The following TAF4 variants were observed in gnomAD, a reference collection of about 807,000 sequenced individuals.
The protein encoded by TAF4 is transcription initiation factor TFIID subunit 4.
In TAF4, 9 loss-of-function variants were observed where a neutral mutation model predicts 90.3. The observed-to-expected ratio is 0.10, with a 90% CI of 0.06 to 0.17. The LOEUF is 0.17. Ranked by LOEUF, TAF4 falls within the 10% of genes least tolerant of loss-of-function variation. The probability of loss-of-function intolerance (pLI) is 1.00; values close to 1 mark genes in which losing one functional copy is unlikely to be tolerated. For synonymous variants in TAF4, 818 were observed against 638.9 expected (o/e 1.28, Z -4.23); for missense variants, 1,351 against 1,370.7 (o/e 0.99, Z 0.23).
In TAF4 at chr20:62,065,864, G is replaced by T. The variant is rs1285262379; in HGVS notation, c.-54C>A. ...CCGCTCGGGCCGAGCGCGCCTGGGCGAGGAGGAGGTTCCGACTGGGGCGGG... is the reference window on the plus strand; with the variant it reads ...CCGCTCGGGCCGAGCGCGCCTGGGCTAGGAGGAGGTTCCGACTGGGGCGGG... On this transcript the variant is annotated 5_prime_UTR_variant, in exon 1 of 15. Coordinates refer to ENST00000252996, the MANE Select transcript of TAF4 (RefSeq NM_003185.4). The T allele has an allele frequency of 5.9e-6, 7 of 1,184,570 alleles. No homozygotes were observed. Among genetic ancestry groups the T allele is most frequent in the Non-Finnish European group, 7.5e-6 (7 of 936,784 alleles). The allele number at this position is 1,184,570 out of a possible 1,614,324, so 73.4% of individuals were successfully genotyped here. A position where few individuals can be genotyped will look rare whatever the true frequency, so the allele number is the denominator to read the frequency against.
At chr20:62,063,732 A>G (rs2056103549) in intron 1 of TAF4, among the ~76,000 whole-genome samples, 2 of 152,206 alleles carry the variant, frequency 1.3e-5, no homozygotes, top group South Asian at 4.1e-4. Context: ...GCACCAACGC[A>G]GCTCTGGAAG....
In TAF4 at chr20:61,976,002, G is replaced by C. The variant is rs1600820323; in HGVS notation, c.*166C>G. On this transcript the variant is annotated 3_prime_UTR_variant, in exon 15 of 15. Coordinates refer to ENST00000252996, the MANE Select transcript of TAF4 (RefSeq NM_003185.4). Reference sequence around the variant, plus strand: ...ATCCACAGGCCTTTGTGTTCTCTCTGTTACAGAAACGTGTTTTCTTTCACA... The same window carrying C: ...ATCCACAGGCCTTTGTGTTCTCTCTCTTACAGAAACGTGTTTTCTTTCACA... The C allele has an allele frequency of 8.5e-6, 6 of 708,178 alleles. No individual in the cohort carries two copies. In the East Asian group the frequency reaches 1.4e-4, roughly 16 times the overall value. The allele number at this position is 708,178 out of a possible 1,614,324, so 43.9% of individuals were successfully genotyped here.
In TAF4 at chr20:62,065,609, C is replaced by A; in HGVS notation, c.202G>T (p.Ala68Ser). ...LGNHVVSGSPAGAAGAGPAAP... is the reference protein window; with the variant it reads ...LGNHVVSGSPSGAAGAGPAAP... The stretch of plus-strand genomic sequence containing the variant: ...GCCGGCCCTGCGCCCGCGGCTCCGG[C>A]CGGGCTGCCGCTCACAACATGGTTC... The change falls in exon 1 of 15, where the codon GCC becomes TCC. Residue 68 changes from alanine to serine, a missense_variant. By Grantham distance (99) the Ala-to-Ser change is moderately conservative. This residue lies in a region of TAF4 where 782 missense variants were observed against 536.6 expected (regional missense o/e 1.46). Coordinates refer to ENST00000252996, the MANE Select transcript of TAF4 (RefSeq NM_003185.4). 1 of 999,654 alleles carries A rather than the reference C, an allele frequency of 1.0e-6. No individual in the cohort carries two copies. Among genetic ancestry groups the A allele is most frequent in the Non-Finnish European group, 1.2e-6 (1 of 841,526 alleles). The allele number at this position is 999,654 out of a possible 1,614,324, so 61.9% of individuals were successfully genotyped here.
intron 1 of TAF4, among the ~76,000 whole-genome samples, chr20:62,041,513 C>T (rs2055963649): frequency 6.6e-6 from 1 of 152,050 alleles, no homozygotes; most frequent in Non-Finnish European, 1.5e-5. Context: ...CCTGCAGTCC[C>T]AGCTACTTGG....
intron 11 of TAF4, among the ~76,000 whole-genome samples, chr20:61,999,884 G>A (rs576828084): frequency 6.6e-6 from 1 of 152,364 alleles, no homozygotes; most frequent in South Asian, 2.1e-4. Flanking sequence ...ACGAGGCGGA[G>A]GCTGCAGTGA....
chr20:62,053,327 G>A (rs569179919), intron 1 of TAF4, among the ~76,000 whole-genome samples: 2 of 12,518 alleles, frequency 1.6e-4, no homozygotes, highest in Non-Finnish European at 3.5e-4. Flanking sequence ...ATGAGGCCGC[G>A]GGAGCCGGAG....
chr20:61,999,888 G>T (rs940640503), intron 11 of TAF4, among the ~76,000 whole-genome samples: 6 of 152,248 alleles, frequency 3.9e-5, no homozygotes, highest in African/African-American at 1.4e-4. Flanking sequence ...GGCGGAGGCT[G>T]CAGTGAGCCA....
intron 14 of TAF4, among the ~76,000 whole-genome samples, chr20:61,984,200 C>T (rs3787425): frequency 0.6 from 91,635 of 151,974 alleles, 28,098 homozygotes; most frequent in Middle Eastern, 0.76. Flanking sequence ...CTCAGCCCTA[C>T]GCACCCACAG....
chr20:62,008,870 G>T lies in TAF4; in HGVS notation c.1884+182C>A, dbSNP rs997050589. 5.6e-6 allele frequency: 4 copies of T among 714,146 alleles called. No homozygotes were observed. The Admixed American group carries it at 1.0e-4, about 18-fold the overall frequency. The allele number at this position is 714,146 out of a possible 1,614,324, so 44.2% of individuals were successfully genotyped here. On this transcript the variant is annotated intron_variant, in intron 5 of 14. Coordinates refer to ENST00000252996, the MANE Select transcript of TAF4 (RefSeq NM_003185.4). The stretch of plus-strand genomic sequence containing the variant: ...CCAGAACACCCAGCCCCAGGAAGGA[G>T]TCTCCTTAGCTAGGCCACACACGCC...
intron 14 of TAF4, among the ~76,000 whole-genome samples, chr20:61,990,169 G>A (rs1270662788): frequency 3.3e-5 from 5 of 152,268 alleles, no homozygotes; most frequent in South Asian, 2.1e-4. Context: ...GCTGGGTATC[G>A]TGTCAGAACA....
intron 14 of TAF4, among the ~76,000 whole-genome samples, chr20:61,987,746 A>T (rs917908102): frequency 6.6e-6 from 1 of 152,250 alleles, no homozygotes; most frequent in Non-Finnish European, 1.5e-5. Context: ...CTGAAAATTT[A>T]TGTCCACACG....
rs193160323 is a variant in TAF4 at position 62,008,977 on chromosome 20, G to A, written c.1884+75C>T. ...GCTGGCACAGGCCTCCCGGGCACAG[G>A]TCACAGCAGCAACAGGTGTCTGTCC... is the stretch of plus-strand genomic sequence containing the variant. On this transcript the variant is annotated intron_variant, in intron 5 of 14. Transcript: ENST00000252996. The A allele has an allele frequency of 5.0e-5, 78 of 1,544,870 alleles. No individual in the cohort carries two copies. In the African/African-American group the frequency reaches 8.6e-4, roughly 17 times the overall value.
intron 1 of TAF4, among the ~76,000 whole-genome samples, chr20:62,056,160 C>G (rs541507228): frequency 6.6e-6 from 1 of 152,110 alleles, no homozygotes; most frequent in East Asian, 1.9e-4. Context: ...TCACCTGATC[C>G]CGGGAGGCGG....
intron 14 of TAF4, among the ~76,000 whole-genome samples, chr20:61,987,400 T>C (rs1339842476): frequency 6.6e-6 from 1 of 152,150 alleles, no homozygotes; most frequent in Non-Finnish European, 1.5e-5. Flanking sequence ...GGAGAAAATA[T>C]TTGCAAAAGA....
chr20:62,041,175 C>T (rs1456319500), intron 1 of TAF4, among the ~76,000 whole-genome samples: 3 of 152,136 alleles, frequency 2.0e-5, no homozygotes, highest in Non-Finnish European at 2.9e-5. Context: ...GGCTGTGGGC[C>T]GACAGCAGAG....
intron 1 of TAF4, among the ~76,000 whole-genome samples, chr20:62,039,680 A>G (rs2055953000): frequency 6.6e-6 from 1 of 152,254 alleles, no homozygotes; most frequent in African/African-American, 2.4e-5. Context: ...TTGCACTTTA[A>G]AACGCATGCA....
chr20:62,001,837 CG>C (rs1319842152), intron 9 of TAF4, among the ~76,000 whole-genome samples: 1 of 89,502 alleles, frequency 1.1e-5, no homozygotes, highest in Non-Finnish European at 2.6e-5. Flanking sequence ...ATCCCAGTCC[CG>C]CAATCAGCCT....
intron 1 of TAF4, among the ~76,000 whole-genome samples, chr20:62,015,481 GC>G (rs1209852554): frequency 1.3e-5 from 2 of 152,220 alleles, no homozygotes; most frequent in African/African-American, 4.8e-5. Context: ...AGGTGGGGAT[GC>G]AGCCGTGGGA....
intron 1 of TAF4, among the ~76,000 whole-genome samples, chr20:62,034,643 A>T (rs997302468): frequency 6.6e-5 from 10 of 151,940 alleles, no homozygotes; most frequent in East Asian, 1.9e-4. Context: ...AAATGTGTTT[A>T]AAAAAAATAC....
Sources: gnomAD v4.1 joint callset for allele counts (sites outside exome capture counted in the v4.1 genomes callset) on GRCh38, gnomAD v4.1.1 for gene constraint, gnomAD v4.1.1 regional missense constraint, MANE v1.5 for transcripts, NCBI Gene and HGNC (gene_info 2026-07-23, HGNC 2026-07-21) for gene names.